Variants in DLG2 observed in about 807,000 individuals in gnomAD.
DLG2 encodes the protein discs large MAGUK scaffold protein 2, also known as disks large homolog 2.
A neutral mutation model predicts 132.5 loss-of-function variants in DLG2; 45 were observed. That is an observed-to-expected ratio of 0.34 (90% CI 0.27 to 0.44). The LOEUF (loss-of-function observed/expected upper bound fraction) is 0.44. Ranked by LOEUF, DLG2 falls within the 20% of genes least tolerant of loss-of-function variation. DLG2 has a pLI of 1.00. For synonymous variants in DLG2, 424 were observed against 419.6 expected, an observed-to-expected ratio of 1.01 and a Z score of -0.13; for missense variants, 1,045 against 1,196.9, an observed-to-expected ratio of 0.87 and a Z score of 1.87.
intron 6 of DLG2, among the ~76,000 whole-genome samples, chr11:84,606,695 T>A (rs2099586305): frequency 6.6e-6 from 1 of 152,082 alleles, no homozygotes; most frequent in East Asian, 1.9e-4. Flanking sequence ...TAAAAACAAG[T>A]GCACTCGCAT....
At chr11:85,109,389 T>C (rs1013492364) in intron 6 of DLG2, among the ~76,000 whole-genome samples, 1 of 152,138 alleles carries the variant, frequency 6.6e-6, no homozygotes, top group Admixed American at 6.6e-5. Flanking sequence ...AAGACTTTAA[T>C]GCTGGCGCTC....
chr11:84,040,169 T>A (rs1040642441), intron 11 of DLG2, among the ~76,000 whole-genome samples: 1 of 150,596 alleles, frequency 6.6e-6, no homozygotes, highest in African/African-American at 2.4e-5. Flanking sequence ...ATTTTGTAGG[T>A]TGCCTGTTCA....
chr11:84,743,973 C>G (rs2065029168), intron 6 of DLG2, among the ~76,000 whole-genome samples: 3 of 152,130 alleles, frequency 2.0e-5, no homozygotes, highest in African/African-American at 4.8e-5. Context: ...ATCCACCTGT[C>G]TCGGCCTCCC....
intron 3 of DLG2, among the ~76,000 whole-genome samples, chr11:85,555,693 G>A (rs1370744836): frequency 6.6e-6 from 1 of 151,862 alleles, no homozygotes; most frequent in Non-Finnish European, 1.5e-5. Context: ...ACCATACCCA[G>A]AGAGACTTTT....
chr11:84,064,748 A>G (rs1461274041), intron 10 of DLG2, among the ~76,000 whole-genome samples: 1 of 152,228 alleles, frequency 6.6e-6, no homozygotes, highest in Non-Finnish European at 1.5e-5. Flanking sequence ...TACAGTCAAG[A>G]TGCTGAAAGT....
chr11:84,009,579 G>T (rs2094770191), intron 11 of DLG2, among the ~76,000 whole-genome samples: 1 of 151,982 alleles, frequency 6.6e-6, no homozygotes, highest in South Asian at 2.1e-4. Flanking sequence ...TTCCTACAAG[G>T]GTGAGCAGAG....
chr11:84,792,613 T>C (rs931405204), intron 6 of DLG2, among the ~76,000 whole-genome samples: 7 of 152,102 alleles, frequency 4.6e-5, no homozygotes, highest in African/African-American at 1.4e-4. Flanking sequence ...GTCATTGCTC[T>C]GTTCAGGTTT....
At chr11:84,904,891 A>T (rs2091327334) in intron 6 of DLG2, among the ~76,000 whole-genome samples, 1 of 152,170 alleles carries the variant, frequency 6.6e-6, no homozygotes, top group African/African-American at 2.4e-5. Flanking sequence ...ATTGTAATGT[A>T]TATCTCTATA....
intron 3 of DLG2, among the ~76,000 whole-genome samples, chr11:85,308,728 G>A (rs141194940): frequency 1.5e-4 from 23 of 151,954 alleles, no homozygotes; most frequent in African/African-American, 4.8e-4. Context: ...TTCCTTCCAC[G>A]ACTCTAACTA....
At chr11:84,913,118 G>A (rs1450963716) in intron 6 of DLG2, among the ~76,000 whole-genome samples, 1 of 152,180 alleles carries the variant, frequency 6.6e-6, no homozygotes, top group Non-Finnish European at 1.5e-5. Flanking sequence ...GGTCTCTGGA[G>A]AGTAAAAATG....
intron 6 of DLG2, among the ~76,000 whole-genome samples, chr11:84,804,300 T>C (rs1016906551): frequency 2.0e-5 from 3 of 152,170 alleles, no homozygotes; most frequent in Non-Finnish European, 4.4e-5. Flanking sequence ...TTAGAGGCAA[T>C]AATGTCTCAG....
At chr11:83,709,793 A>G (rs2084957772) in intron 18 of DLG2, among the ~76,000 whole-genome samples, 1 of 152,192 alleles carries the variant, frequency 6.6e-6, no homozygotes, top group African/African-American at 2.4e-5. Context: ...GAAAGTAACA[A>G]TGGCACTTGA....
chr11:85,464,372 T>C (rs1443005974), intron 3 of DLG2, among the ~76,000 whole-genome samples: 1 of 151,604 alleles, frequency 6.6e-6, no homozygotes, highest in Admixed American at 6.6e-5. Context: ...GGCTTGGAGG[T>C]TATGGTTTTT....
intron 7 of DLG2, among the ~76,000 whole-genome samples, chr11:84,376,722 A>C (rs981565251): frequency 2.6e-5 from 4 of 151,834 alleles, no homozygotes; most frequent in African/African-American, 9.7e-5. Context: ...TAAAAAAAAA[A>C]CAACTCATTT....
At chr11:84,421,957 A>G (rs2098952382) in intron 7 of DLG2, among the ~76,000 whole-genome samples, 1 of 152,038 alleles carries the variant, frequency 6.6e-6, no homozygotes, top group Non-Finnish European at 1.5e-5. Flanking sequence ...CTTTCTGTCT[A>G]CTTCTCCTGT....
At chr11:83,718,934 A>T (rs2087571928) in intron 18 of DLG2, among the ~76,000 whole-genome samples, 1 of 152,176 alleles carries the variant, frequency 6.6e-6, no homozygotes, top group African/African-American at 2.4e-5. Flanking sequence ...ACTAGTTTTG[A>T]TCTCAGATTC....
intron 10 of DLG2, among the ~76,000 whole-genome samples, chr11:84,093,046 A>C (rs919274668): frequency 3.3e-5 from 5 of 151,894 alleles, no homozygotes; most frequent in Non-Finnish European, 5.9e-5. Context: ...AAAAAAAAAA[A>C]AAAAGAAAGA....
At chr11:85,219,979 T>G (rs1187765099) in intron 4 of DLG2, among the ~76,000 whole-genome samples, 1 of 152,036 alleles carries the variant, frequency 6.6e-6, no homozygotes, top group African/African-American at 2.4e-5. Flanking sequence ...AAATTACAAC[T>G]GCTTTTTGTC....
chr11:85,491,364 A>G (rs1016252411), intron 3 of DLG2, among the ~76,000 whole-genome samples: 2 of 152,196 alleles, frequency 1.3e-5, no homozygotes, highest in Non-Finnish European at 2.9e-5. Flanking sequence ...GGAACAAGAC[A>G]AGGATGACCA....
Sources: gnomAD v4.1 joint callset for allele counts (sites outside exome capture counted in the v4.1 genomes callset) on GRCh38, gnomAD v4.1.1 for gene constraint, MANE v1.5 for transcripts, NCBI Gene and HGNC (gene_info 2026-07-23, HGNC 2026-07-21) for gene names.